SH3GL2: variants seen among roughly 807,000 people sequenced by gnomAD.
SH3GL2 encodes the protein endophilin-A1.
SH3GL2 carries 24 observed loss-of-function variants against 46.0 expected under a neutral mutation model. The observed-to-expected ratio is 0.52, with a 90% confidence interval of 0.38 to 0.73. The LOEUF (loss-of-function observed/expected upper bound fraction) is 0.73, where lower values mean the gene tolerates loss of function less well. SH3GL2 is among the 30% of genes least tolerant of loss of function. The pLI, the probability that SH3GL2 is intolerant of heterozygous loss-of-function variation, is 0.00. For missense variants in SH3GL2, 413 were observed against 424.2 expected, an observed-to-expected ratio of 0.97 and a Z score of 0.23; for synonymous variants, 196 against 147.1, an observed-to-expected ratio of 1.33 and a Z score of -2.40.
intron 1 of SH3GL2, among the ~76,000 whole-genome samples, chr9:17,721,062 C>T (rs1465886738): frequency 6.6e-6 from 1 of 152,078 alleles, no homozygotes; most frequent in Non-Finnish European, 1.5e-5. Context: ...GCTTTCTGAA[C>T]TCTCGCACTC....
intron 1 of SH3GL2, among the ~76,000 whole-genome samples, chr9:17,619,144 C>T (rs574988229): frequency 1.1e-4 from 17 of 152,118 alleles, no homozygotes; most frequent in Middle Eastern, 3.4e-3. Flanking sequence ...GTGCAGAAGC[C>T]GTGGCATAGT....
chr9:17,668,378 T>C (rs905457280), intron 1 of SH3GL2, among the ~76,000 whole-genome samples: 12 of 152,240 alleles, frequency 7.9e-5, no homozygotes, highest in African/African-American at 2.7e-4. Flanking sequence ...ACGACTGTTC[T>C]TTCCTCATTC....
intron 1 of SH3GL2, among the ~76,000 whole-genome samples, chr9:17,725,752 G>C (rs1268270734): frequency 6.6e-6 from 1 of 152,164 alleles, no homozygotes; most frequent in East Asian, 1.9e-4. Flanking sequence ...AATGGGAACT[G>C]AATGGGGAAA....
At chr9:17,704,088 T>C (rs12006550) in intron 1 of SH3GL2, among the ~76,000 whole-genome samples, 1,561 of 151,262 alleles carry the variant, frequency 0.01, 33 homozygotes, top group African/African-American at 0.035. Flanking sequence ...ATAACTTCAG[T>C]GAAATTTCAG....
At chr9:17,770,790 A>C (rs978417691) in intron 3 of SH3GL2, among the ~76,000 whole-genome samples, 15 of 152,334 alleles carry the variant, frequency 9.8e-5, no homozygotes, top group Admixed American at 6.5e-5. Flanking sequence ...AAGGGTGGCC[A>C]CTGGCCAACA....
chr9:17,713,094 G>C (rs1258665573), intron 1 of SH3GL2, among the ~76,000 whole-genome samples: 2 of 150,796 alleles, frequency 1.3e-5, no homozygotes, highest in African/African-American at 4.9e-5. Context: ...TAAATCAAAA[G>C]TAGATGTTAG....
chr9:17,622,992 T>G (rs371996964), intron 1 of SH3GL2, among the ~76,000 whole-genome samples: 10 of 65,350 alleles, frequency 1.5e-4, no homozygotes, highest in African/African-American at 4.3e-4. Flanking sequence ...TTTCGTTTCC[T>G]TTCCTTTCCT....
intron 1 of SH3GL2, among the ~76,000 whole-genome samples, chr9:17,694,816 T>G (rs1444832774): frequency 1.3e-5 from 2 of 152,154 alleles, no homozygotes; most frequent in East Asian, 1.9e-4. Flanking sequence ...AACTTCACAT[T>G]TAGAGAGCCT....
At chr9:17,732,660 C>G (rs952796197) in intron 1 of SH3GL2, among the ~76,000 whole-genome samples, 1 of 151,922 alleles carries the variant, frequency 6.6e-6, no homozygotes, top group Non-Finnish European at 1.5e-5. Flanking sequence ...TATAATTGGC[C>G]TAGTGATAAT....
rs943773866 is a variant in SH3GL2, at chr9:17,796,612, A to G, written c.*869A>G. ...TGTGAATTACATGTTTCATGAATCC[A>G]TTTGGCACAGAGACACAAGGAAGAA... On this transcript the variant is annotated 3_prime_UTR_variant, in exon 9 of 9. Transcript: ENST00000380607. The G allele has an allele frequency of 6.6e-6, 1 of 152,596 alleles. No homozygotes were observed. Among genetic ancestry groups the G allele is most frequent in the Admixed American group, 6.5e-5 (1 of 15,286 alleles). 9.5% of individuals were successfully genotyped at this position (152,596 alleles called of 1,614,324 possible).
chr9:17,636,124 C>A (rs1819537655), intron 1 of SH3GL2, among the ~76,000 whole-genome samples: 1 of 152,144 alleles, frequency 6.6e-6, no homozygotes, highest in African/African-American at 2.4e-5. Context: ...GACAAATATG[C>A]AGGTGCTTAT....
At chr9:17,791,840 T>A (rs1375277800) in intron 7 of SH3GL2, among the ~76,000 whole-genome samples, 1 of 152,208 alleles carries the variant, frequency 6.6e-6, no homozygotes, top group Non-Finnish European at 1.5e-5. Context: ...TTTCTCTGAA[T>A]GGCGGTCAAG....
intron 1 of SH3GL2, among the ~76,000 whole-genome samples, chr9:17,663,632 A>G (rs1449179091): frequency 6.6e-6 from 1 of 152,192 alleles, no homozygotes; most frequent in Non-Finnish European, 1.5e-5. Context: ...TTGCATTATT[A>G]TTAATGGTTC....
intron 1 of SH3GL2, among the ~76,000 whole-genome samples, chr9:17,646,218 T>TC (rs1819813109): frequency 6.6e-6 from 1 of 151,956 alleles, no homozygotes; most frequent in African/African-American, 2.4e-5. Flanking sequence ...GTTTTTCCGC[T>TC]CCATCAGGTC....
intron 1 of SH3GL2, among the ~76,000 whole-genome samples, chr9:17,620,406 G>C (rs1040235133): frequency 6.6e-6 from 1 of 152,156 alleles, no homozygotes; most frequent in Non-Finnish European, 1.5e-5. Flanking sequence ...AACAGCTTAC[G>C]CATGTTACTT....
intron 1 of SH3GL2, among the ~76,000 whole-genome samples, chr9:17,612,866 T>A (rs1430330634): frequency 6.6e-6 from 1 of 152,220 alleles, no homozygotes; most frequent in African/African-American, 2.4e-5. Context: ...GAGAAGCCCC[T>A]GATTATCACT....
At chr9:17,789,697 T>C (rs1824068012) in intron 6 of SH3GL2, 147 bp downstream of exon 6, 3 of 1,409,000 alleles carry the variant, frequency 2.1e-6, no homozygotes, top group Admixed American at 5.5e-5. Context: ...TAAATAATTG[T>C]CAGTCATAAA....
At chr9:17,704,962 A>C (rs1254511250) in intron 1 of SH3GL2, among the ~76,000 whole-genome samples, 1 of 151,914 alleles carries the variant, frequency 6.6e-6, no homozygotes, top group Non-Finnish European at 1.5e-5. Context: ...GCAAACAGAC[A>C]ATCTACAGAA....
chr9:17,770,477 A>G (rs1823442301), intron 3 of SH3GL2, among the ~76,000 whole-genome samples: 1 of 152,198 alleles, frequency 6.6e-6, no homozygotes, highest in African/African-American at 2.4e-5. Context: ...TGACTTGTAC[A>G]GGTTCACACC....
Sources: allele counts gnomAD v4.1 joint callset (sites outside exome capture counted in the v4.1 genomes callset), GRCh38; gene constraint gnomAD v4.1.1; transcripts MANE v1.5; gene names NCBI Gene and HGNC (gene_info 2026-07-23, HGNC 2026-07-21).